Variants in FLRT1 observed in about 807,000 individuals in gnomAD.
FLRT1 encodes fibronectin leucine rich transmembrane protein 1.
In FLRT1, 14 loss-of-function variants were observed where a neutral mutation model predicts 30.9. The ratio of observed to expected loss-of-function variants is 0.45; its 90% confidence interval spans 0.30 to 0.71. The LOEUF is 0.71. Ranked by LOEUF, FLRT1 falls within the 30% of genes least tolerant of loss-of-function variation. FLRT1 has a pLI of 0.08. For missense variants in FLRT1, 737 were observed against 949.2 expected, an observed-to-expected ratio of 0.78 and a Z score of 2.94; for synonymous variants, 368 against 430.4, an observed-to-expected ratio of 0.85 and a Z score of 1.80.
At chr11:64,101,851 T>C (rs1261370669) in intron 1 of FLRT1, among the ~76,000 whole-genome samples, 2 of 152,000 alleles carry the variant, frequency 1.3e-5, no homozygotes, top group Non-Finnish European at 2.9e-5. Flanking sequence ...AACCTCCTTC[T>C]TCCTAGGGCA....
intron 1 of FLRT1, among the ~76,000 whole-genome samples, chr11:64,086,230 G>GC (rs1254561351): frequency 6.6e-6 from 1 of 152,188 alleles, no homozygotes; most frequent in African/African-American, 2.4e-5. Context: ...AGCCCACCCT[G>GC]CCCCAGGTCT....
At chr11:64,094,011 C>T (rs1944534539) in intron 1 of FLRT1, among the ~76,000 whole-genome samples, 1 of 152,176 alleles carries the variant, frequency 6.6e-6, no homozygotes, top group African/African-American at 2.4e-5. Context: ...GCTAAGCAGG[C>T]CAGGGCCGGG....
chr11:64,114,722 GATGA>G (rs1944944108), intron 2 of FLRT1, among the ~76,000 whole-genome samples: 2 of 151,986 alleles, frequency 1.3e-5, no homozygotes, highest in Non-Finnish European at 2.9e-5. Context: ...TGGATGGATG[GATGA>G]ATGGATGGAT....
intron 1 of FLRT1, among the ~76,000 whole-genome samples, chr11:64,055,071 C>T (rs1943760182): frequency 2.0e-5 from 3 of 152,156 alleles, no homozygotes; most frequent in African/African-American, 2.4e-5. Flanking sequence ...TCCTAGATCC[C>T]CCCAGCCTGG....
chr11:64,038,671 C>T lies in FLRT1; in HGVS notation c.-1038+2512C>T, dbSNP rs1235108186. ...TCCCCAGAATCAGGGCTGGACATGG[C>T]CTGATCTCAGAGATGGGGCCTGTAT... On this transcript the variant is annotated intron_variant, in intron 1 of 2. Coordinates refer to ENST00000682287, the MANE Select transcript of FLRT1 (RefSeq NM_013280.5). 2.6e-5 allele frequency among the ~76,000 whole-genome samples: 4 copies of T among 152,278 alleles called. No individual in the cohort carries two copies. In the East Asian group the frequency reaches 5.8e-4, roughly 22 times the overall value.
intron 1 of FLRT1, among the ~76,000 whole-genome samples, chr11:64,050,273 A>T (rs1943668234): frequency 6.6e-6 from 1 of 152,070 alleles, no homozygotes; most frequent in Non-Finnish European, 1.5e-5. Context: ...CCGAGAGATG[A>T]GTGGCTCCCC....
At chr11:64,051,437 C>G (rs1293435952) in intron 1 of FLRT1, among the ~76,000 whole-genome samples, 1 of 152,186 alleles carries the variant, frequency 6.6e-6, no homozygotes, top group Non-Finnish European at 1.5e-5. Context: ...GCGGACCCAC[C>G]CTCCCCAGGG....
intron 1 of FLRT1, among the ~76,000 whole-genome samples, chr11:64,041,199 TAAAAAAAA>T (rs71045724): frequency 4.2e-4 from 9 of 21,604 alleles, no homozygotes; most frequent in Non-Finnish European, 6.0e-4. Context: ...TAGCAAACTG[TAAAAAAAA>T]AAAAAAAAAA....
At chr11:64,037,722 C>A (rs1379099859) in intron 1 of FLRT1, among the ~76,000 whole-genome samples, 4 of 152,164 alleles carry the variant, frequency 2.6e-5, no homozygotes, top group African/African-American at 9.7e-5. Context: ...GTAAAAAGCA[C>A]CCTGACCCCA....
chr11:64,116,512 ATGC>A lies in FLRT1; in HGVS notation c.246_248del (p.Ala83del). 6.2e-7 allele frequency: 1 copy of A among 1,613,898 alleles called. No homozygotes were observed. Reference sequence around the variant, plus strand: ...TCCATCCCCGCAGATATCCCTGATGATGCCACCACCCTCTACCTGCAGAACAAC... The same window carrying A: ...TCCATCCCCGCAGATATCCCTGATGACACCACCCTCTACCTGCAGAACAAC... On this transcript the variant is annotated inframe_deletion, in exon 3 of 3. Coordinates refer to ENST00000682287, the MANE Select transcript of FLRT1 (RefSeq NM_013280.5).
chr11:64,049,084 G>A (rs1461489207), intron 1 of FLRT1, among the ~76,000 whole-genome samples: 2 of 152,048 alleles, frequency 1.3e-5, no homozygotes. Context: ...GCCTTTGCCT[G>A]CACTTTGTGG....
chr11:64,044,163 A>G (rs1943541235), intron 1 of FLRT1, among the ~76,000 whole-genome samples: 1 of 152,078 alleles, frequency 6.6e-6, no homozygotes, highest in African/African-American at 2.4e-5. Flanking sequence ...CTCAGCCTAC[A>G]ACACATGAGA....
chr11:64,115,214 A>AT (rs1944955510), intron 2 of FLRT1, among the ~76,000 whole-genome samples: 1 of 152,166 alleles, frequency 6.6e-6, no homozygotes, highest in African/African-American at 2.4e-5. Flanking sequence ...TCTTTAATTG[A>AT]TTTTTTACCA....
intron 1 of FLRT1, among the ~76,000 whole-genome samples, chr11:64,097,874 G>A (rs577053864): frequency 1.6e-4 from 25 of 152,276 alleles, no homozygotes; most frequent in Non-Finnish European, 3.2e-4. Context: ...ATAGCAAGCC[G>A]GCTGTCCATG....
intron 1 of FLRT1, among the ~76,000 whole-genome samples, chr11:64,101,156 C>T (rs924566814): frequency 3.2e-4 from 49 of 152,028 alleles, no homozygotes; most frequent in Admixed American, 2.8e-3. Flanking sequence ...GGAGGGATGA[C>T]GTCTGCATGG....
At chr11:64,043,642 C>A (rs563444952) in intron 1 of FLRT1, among the ~76,000 whole-genome samples, 1 of 152,242 alleles carries the variant, frequency 6.6e-6, no homozygotes, top group African/African-American at 2.4e-5. Context: ...GCAGAGAGGT[C>A]ATTATTGAGT....
chr11:64,050,738 C>T (rs1943677835), intron 1 of FLRT1, among the ~76,000 whole-genome samples: 1 of 152,246 alleles, frequency 6.6e-6, no homozygotes, highest in African/African-American at 2.4e-5. Context: ...CCTGCCTCAG[C>T]CTCCTGAGTA....
chr11:64,112,468 C>G (rs367592056), intron 2 of FLRT1, among the ~76,000 whole-genome samples: 1 of 152,168 alleles, frequency 6.6e-6, no homozygotes, highest in Non-Finnish European at 1.5e-5. Context: ...GACCCAAGAT[C>G]GCTCCACTGC....
rs1945007712 is a variant in FLRT1 at position 64,117,372 on chromosome 11, A to G, written c.1105A>G (p.Lys369Glu). Residue 369 changes from lysine (K) to glutamate (E), a missense_variant, in exon 3 of 3, where the codon AAG becomes GAG. Physicochemically the swap from Lys to Glu is moderately conservative, Grantham distance 56. Transcript: ENST00000682287. ...GPEKVRGMAI[K>E]DITSEMDECF... The stretch of plus-strand genomic sequence containing the variant: ...TGAGAAGGTCCGGGGCATGGCCATC[A>G]AGGACATTACCAGCGAGATGGACGA... 6.2e-7 allele frequency: 1 copy of G among 1,613,242 alleles called. No homozygotes were observed. The highest frequency in any genetic ancestry group is 8.5e-7 in the Non-Finnish European group (1 of 1,179,334).
Sources: gnomAD v4.1 joint callset for allele counts (sites outside exome capture counted in the v4.1 genomes callset) on GRCh38, gnomAD v4.1.1 for gene constraint, MANE v1.5 for transcripts, NCBI Gene and HGNC (gene_info 2026-07-23, HGNC 2026-07-21) for gene names.